Variants in TDRD6 observed in about 807,000 individuals in gnomAD.
TDRD6 encodes tudor domain containing 6, also known as tudor domain-containing protein 6.
Under a neutral mutation model 157.5 loss-of-function variants are expected in TDRD6, and 186 were observed. The ratio of observed to expected loss-of-function variants is 1.18; its 90% CI spans 1.05 to 1.33. The LOEUF (loss-of-function observed/expected upper bound fraction) is 1.33, where lower values mean the gene tolerates loss of function less well. TDRD6 is among the 40% of genes most tolerant of loss of function. The probability of loss-of-function intolerance (pLI) is 0.00; values close to 1 mark genes in which losing one functional copy is unlikely to be tolerated. For missense variants in TDRD6, 3,066 were observed against 2,508.0 expected, an observed-to-expected ratio of 1.22 and a Z score of -4.75; for synonymous variants, 1,075 against 945.2, an observed-to-expected ratio of 1.14 and a Z score of -2.52.
intron 2 of TDRD6, among the ~76,000 whole-genome samples, chr6:46,697,300 T>C (rs2150683913): frequency 6.6e-6 from 1 of 152,248 alleles, no homozygotes; most frequent in Admixed American, 6.5e-5. Context: ...TCACTGATGT[T>C]ATTTTCTAAA....
At position 46,688,620 on chromosome 6, in the gene TDRD6, G is replaced by C; in HGVS notation, c.492G>C (p.Lys164Asn). 6.3e-7 allele frequency: 1 copy of C among 1,599,138 alleles called. No homozygotes were observed. Among genetic ancestry groups the C allele is most frequent in the Non-Finnish European group, 8.5e-7 (1 of 1,179,830 alleles). Residue 164 changes from lysine (K) to asparagine (N), a missense_variant, in exon 1 of 4, where the codon AAG becomes AAC. Lys to Asn is a moderately conservative substitution (Grantham distance 94). Transcript: ENST00000316081. Reference sequence around the variant, plus strand: ...ACTTCCTTAGCAACCTTCAGGGCAAGGAGGTGCACGGGTGCGTCCTGGACG... The same window carrying C: ...ACTTCCTTAGCAACCTTCAGGGCAACGAGGTGCACGGGTGCGTCCTGGACG... ...AVDFLSNLQG[K>N]EVHGCVLDVL...
chr6:46,694,553 TA>T (rs1033431594), intron 1 of TDRD6, among the ~76,000 whole-genome samples: 2 of 152,204 alleles, frequency 1.3e-5, no homozygotes, highest in African/African-American at 4.8e-5. Flanking sequence ...TATGGATTTC[TA>T]AAAAATAATT....
intron 3 of TDRD6, among the ~76,000 whole-genome samples, chr6:46,701,529 A>G (rs1405433624): frequency 6.6e-6 from 1 of 150,454 alleles, no homozygotes; most frequent in East Asian, 1.9e-4. Context: ...TAGCTTTAAT[A>G]TCATGTGAAA....
the TDRD6 span, among the ~76,000 whole-genome samples, chr6:46,682,049 GT>G: frequency 6.6e-6 from 1 of 152,010 alleles, no homozygotes; most frequent in African/African-American, 2.4e-5. Flanking sequence ...TCAATGGTAA[GT>G]TTTGTTTTAC....
upstream of TDRD6, among the ~76,000 whole-genome samples, chr6:46,683,104 G>C (rs1764001793): frequency 6.6e-6 from 1 of 151,898 alleles, no homozygotes; most frequent in Non-Finnish European, 1.5e-5. Flanking sequence ...AGGGGTATTG[G>C]CACAAAGACA....
Position 46,693,746 on chromosome 6 carries a change from C to G in TDRD6, c.5618C>G (p.Pro1873Arg). The change falls in exon 1 of 4, where the codon CCA (proline) becomes CGA (arginine). Residue 1873 changes from proline to arginine, a missense_variant. Physicochemically the swap from Pro to Arg is moderately radical, Grantham distance 103 (BLOSUM62 -2). Transcript: ENST00000316081. Reference protein sequence around the residue: ...DEEKGELSPVPPNVPLSQECV... With the variant: ...DEEKGELSPVRPNVPLSQECV... ...GAAAAAGGGGAGCTAAGCCCGGTGC[C>G]ACCGAATGTGCCACTCTCCCAAGAG... 6.2e-7 allele frequency: 1 copy of G among 1,614,198 alleles called. No homozygotes were observed. Among genetic ancestry groups the G allele is most frequent in the South Asian group, 1.1e-5 (1 of 91,082 alleles).
At position 46,692,520 on chromosome 6, in the gene TDRD6, T is replaced by C. The variant is rs764240271; in HGVS notation, c.4392T>C (p.Asp1464=). The change falls in exon 1 of 4, where the codon GAT becomes GAC. Residue 1464 remains aspartate, a synonymous_variant. Transcript: ENST00000316081. ...FQDRWEVILA[D]EHGIIADDMI... ...ACAGATGGGAAGTTATTCTTGCTGA[T>C]GAACATGGGATCATAGCAGATGATA... The C allele has an allele frequency of 2.5e-6, 4 of 1,613,822 alleles. No homozygotes were observed. The Admixed American group carries it at 5.0e-5, about 20-fold the overall frequency.
Position 46,692,364 on chromosome 6 carries a change from G to T in TDRD6, c.4236G>T (p.Pro1412=). The T allele has an allele frequency of 6.2e-7, 1 of 1,614,146 alleles. No individual in the cohort carries two copies. Among genetic ancestry groups the T allele is most frequent in the Non-Finnish European group, 8.5e-7 (1 of 1,180,024 alleles). The change falls in exon 1 of 4, where the codon CCG becomes CCT. Residue 1412 remains proline (P), a synonymous_variant. Coordinates refer to ENST00000316081, the MANE Select transcript of TDRD6 (RefSeq NM_001010870.3). ...TTGACCTTGTTAATGCAATATTGCC[G>T]GGGTTGTGCATTCATTGCTCCTTGC... ...GRLDLVNAIL[P]GLCIHCSLQG...
Position 46,692,175 on chromosome 6 carries a change from A to C in TDRD6, c.4047A>C (p.Val1349=). The C allele has an allele frequency of 6.2e-7, 1 of 1,614,200 alleles. No individual in the cohort carries two copies. The highest frequency in any genetic ancestry group is 8.5e-7 in the Non-Finnish European group (1 of 1,180,006). Residue 1349 remains valine (V), a synonymous_variant, in exon 1 of 4, where the codon GTA becomes GTC. Transcript: ENST00000316081. ...NSVKTRPEYY[V]GPPLQRGDMI... is the part of the protein sequence containing the mutation. Reference sequence around the variant, plus strand: ...TTAAAACAAGGCCCGAATATTATGTAGGTCCACCTTTGCAAAGAGGAGATA... The same window carrying C: ...TTAAAACAAGGCCCGAATATTATGTCGGTCCACCTTTGCAAAGAGGAGATA...
chr6:46,689,060 A>G lies in TDRD6; in HGVS notation c.932A>G (p.Asp311Gly). Residue 311 changes from aspartate (D) to glycine (G), a missense_variant, in exon 1 of 4, where the codon GAT becomes GGT. By Grantham distance (94) the Asp-to-Gly change is moderately conservative. Transcript: ENST00000316081. ...ATWEEREESP[D>G]KPGSPCASCG... ...TGGGAGGAGAGGGAGGAGAGCCCAG[A>G]TAAGCCGGGCTCTCCGTGTGCATCC... The G allele has an allele frequency of 1.9e-6, 3 of 1,614,088 alleles. No individual in the cohort carries two copies. The highest frequency in any genetic ancestry group is 1.7e-6 in the Non-Finnish European group (2 of 1,179,980).
In TDRD6 at chr6:46,698,087, G is replaced by A; in HGVS notation, c.6261G>A (p.Glu2087=). 1 of 1,591,354 alleles carries A rather than the reference G, an allele frequency of 6.3e-7. No homozygotes were observed. The highest frequency in any genetic ancestry group is 8.6e-7 in the Non-Finnish European group (1 of 1,162,286). ...CCAAATTGGATAAGAGTCCACCTGAGGTATGGAATTCTATAAATAGTAATT... is the reference window on the plus strand; with the variant it reads ...CCAAATTGGATAAGAGTCCACCTGAAGTATGGAATTCTATAAATAGTAATT... ...GIPKLDKSPP[E]KRGLEVMEI is the part of the protein sequence containing the mutation. Residue 2087 remains glutamate (E), a splice_region_variant and synonymous_variant, in exon 3 of 4, where the codon GAG becomes GAA. Transcript: ENST00000316081.
In TDRD6 at chr6:46,696,052, G is replaced by A. The variant is rs920111330; in HGVS notation, c.6171+107G>A. 5 of 1,250,276 alleles carry A rather than the reference G, an allele frequency of 4.0e-6. No homozygotes were observed. In the African/African-American group the frequency reaches 7.6e-5, roughly 19 times the overall value. The allele number at this position is 1,250,276 out of a possible 1,614,324, so 77.4% of individuals were successfully genotyped here. A position where few individuals can be genotyped will look rare whatever the true frequency, so the allele number is the denominator to read the frequency against. ...AACGCGATTGAACAAATGTTTACTT[G>A]CTTGTTCCCCCTGATAACTTGATGT... On this transcript the variant is annotated intron_variant, in intron 2 of 3. Transcript: ENST00000316081.
Position 46,694,168 on chromosome 6 carries a change from ATC to A in TDRD6, c.6043_6044del (p.Ala2016SerfsTer16). 6.6e-7 allele frequency: 1 copy of A among 1,513,236 alleles called. No homozygotes were observed. Among genetic ancestry groups the A allele is most frequent in the South Asian group, 1.4e-5 (1 of 72,920 alleles). 93.7% of individuals were successfully genotyped at this position (1,513,236 alleles called of 1,614,324 possible). On this transcript the variant is annotated frameshift_variant, in exon 1 of 4. Coordinates refer to ENST00000316081, the MANE Select transcript of TDRD6 (RefSeq NM_001010870.3). LOFTEE classifies it high-confidence loss of function. ...SKHNNGLPDH[I>X]SAQLQNTYTL... The stretch of plus-strand genomic sequence containing the variant: ...GCACAATAATGGTTTACCAGATCAT[ATC>A]TCAGGTATGTGAATTTTTTTTCCTT...
chr6:46,689,132 T>C lies in TDRD6; in HGVS notation c.1004T>C (p.Phe335Ser), dbSNP rs774980123. The C allele has an allele frequency of 1.5e-5, 25 of 1,614,032 alleles. No individual in the cohort carries two copies. In the East Asian group the frequency reaches 5.3e-4, roughly 35 times the overall value. ...HWYRALLLET[F>S]RPQRCAQVLH... ...TACAGAGCACTGTTGCTTGAGACTTTTCGGCCCCAGCGCTGTGCCCAGGTG... is the reference window on the plus strand; with the variant it reads ...TACAGAGCACTGTTGCTTGAGACTTCTCGGCCCCAGCGCTGTGCCCAGGTG... Residue 335 changes from phenylalanine (F) to serine (S), a missense_variant, in exon 1 of 4, where the codon TTT (phenylalanine) becomes TCT (serine). Phe to Ser is a radical substitution (Grantham distance 155). Transcript: ENST00000316081.
Position 46,690,278 on chromosome 6 carries a change from C to A in TDRD6, c.2150C>A (p.Thr717Lys). The stretch of plus-strand genomic sequence containing the variant: ...AAAGCCAAGAGAGAGAATAAAACCA[C>A]ATCTGTTTCAAAAGCTTTGAGTGAC... ...EQKAKRENKT[T>K]SVSKALSDTT... The change falls in exon 1 of 4, where the codon ACA becomes AAA. Residue 717 changes from threonine to lysine, a missense_variant. Physicochemically the swap from Thr to Lys is moderately conservative, Grantham distance 78 (BLOSUM62 -1). Coordinates refer to ENST00000316081, the MANE Select transcript of TDRD6 (RefSeq NM_001010870.3). 10 of 1,613,612 alleles carry A rather than the reference C, an allele frequency of 6.2e-6. No individual in the cohort carries two copies. Among genetic ancestry groups the A allele is most frequent in the Non-Finnish European group, 8.5e-6 (10 of 1,180,010 alleles).
chr6:46,695,323 A>T (rs1016009220), intron 1 of TDRD6, among the ~76,000 whole-genome samples: 2 of 152,188 alleles, frequency 1.3e-5, no homozygotes, highest in African/African-American at 4.8e-5. Flanking sequence ...TAGTCCCTTA[A>T]AAATGCTTTC....
In TDRD6 at chr6:46,694,071, G is replaced by A. The variant is rs775403681; in HGVS notation, c.5943G>A (p.Glu1981=). ...ATATATGTGAAGAAGAATTTGTAGA[G>A]TATAAAAACAGGGATGCCATTTCGG... ...EMNICEEEFV[E]YKNRDAISAL... The change falls in exon 1 of 4, where the codon GAG becomes GAA. Residue 1981 remains glutamate, a synonymous_variant. Transcript: ENST00000316081. The A allele has an allele frequency of 1.2e-6, 2 of 1,613,476 alleles. No homozygotes were observed. The highest frequency in any genetic ancestry group is 2.2e-5 in the East Asian group (1 of 44,880).
chr6:46,692,967 C>A lies in TDRD6; in HGVS notation c.4839C>A (p.Asp1613Glu). The A allele has an allele frequency of 6.2e-7, 1 of 1,612,810 alleles. No individual in the cohort carries two copies. Among genetic ancestry groups the A allele is most frequent in the South Asian group, 1.1e-5 (1 of 90,938 alleles). Residue 1613 changes from aspartate to glutamate, a missense_variant, in exon 1 of 4, where the codon GAC becomes GAA. Physicochemically the swap from Asp to Glu is conservative, Grantham distance 45. Coordinates refer to ENST00000316081, the MANE Select transcript of TDRD6 (RefSeq NM_001010870.3). Reference protein sequence around the residue: ...VDFGNIEDCVDPKALWAIPSE... With the variant: ...VDFGNIEDCVEPKALWAIPSE... ...TTGGAAACATTGAAGACTGTGTGGA[C>A]CCAAAAGCACTCTGGGCCATTCCTT...
Position 46,690,172 on chromosome 6 carries a change from C to T in TDRD6, c.2044C>T (p.His682Tyr), listed in dbSNP as rs1764266023. The T allele has an allele frequency of 1.2e-6, 2 of 1,613,382 alleles. No individual in the cohort carries two copies. Among genetic ancestry groups the T allele is most frequent in the African/African-American group, 1.3e-5 (1 of 74,876 alleles). ...AAAGGAAAATATCCTGGTAAATGCC[C>T]ACTCCCCAGGGCATGTTTCAAACCA... ...ETKENILVNAHSPGHVSNHFT... is the reference protein window; with the variant it reads ...ETKENILVNAYSPGHVSNHFT... The change falls in exon 1 of 4, where the codon CAC becomes TAC. Residue 682 changes from histidine to tyrosine, a missense_variant. Coordinates refer to ENST00000316081, the MANE Select transcript of TDRD6 (RefSeq NM_001010870.3).
Sources: gnomAD v4.1 joint callset for allele counts (sites outside exome capture counted in the v4.1 genomes callset) on GRCh38, gnomAD v4.1.1 for gene constraint, MANE v1.5 for transcripts, NCBI Gene and HGNC (gene_info 2026-07-23, HGNC 2026-07-21) for gene names.